The following MCTP1 variants were observed in gnomAD, a reference collection of about 807,000 sequenced individuals.
MCTP1 encodes multiple C2 and transmembrane domain-containing protein 1.
MCTP1 carries 69 observed loss-of-function variants against 120.6 expected under a neutral mutation model. The observed-to-expected ratio is 0.57, with a 90% CI of 0.47 to 0.70. The LOEUF is 0.70. Among genes scored for constraint, MCTP1 ranks in the 30% least tolerant of loss-of-function variants. The probability of loss-of-function intolerance (pLI) is 0.00; values close to 1 mark genes in which losing one functional copy is unlikely to be tolerated. For missense variants in MCTP1, 1,203 were observed against 1,248.8 expected, an observed-to-expected ratio of 0.96 and a Z score of 0.55; for synonymous variants, 529 against 493.1, an observed-to-expected ratio of 1.07 and a Z score of -0.96.
rs1237463127 is a variant in MCTP1 at position 95,274,692 on chromosome 5, T to C, written c.720+9164A>G. Among the ~76,000 whole-genome samples the C allele has an allele frequency of 3.3e-5, 5 of 151,946 alleles. No individual in the cohort carries two copies. In the East Asian group the frequency reaches 7.7e-4, roughly 24 times the overall value. On this transcript the variant is annotated intron_variant, in intron 1 of 22. Transcript: ENST00000515393. Reference sequence around the variant, plus strand: ...AGGCTGGAGTGCAGGGGTGTGATCTTGGCTCACTGCAAACTCTGCCTCCCG... The same window carrying C: ...AGGCTGGAGTGCAGGGGTGTGATCTCGGCTCACTGCAAACTCTGCCTCCCG...
intron 1 of MCTP1, among the ~76,000 whole-genome samples, chr5:95,174,120 A>G (rs565288888): frequency 2.0e-5 from 3 of 152,128 alleles, no homozygotes; most frequent in African/African-American, 7.2e-5. Context: ...GCACAGAATT[A>G]CAATGCCTTG....
chr5:95,093,250 G>A (rs992471723), intron 1 of MCTP1, among the ~76,000 whole-genome samples: 1 of 152,220 alleles, frequency 6.6e-6, no homozygotes, highest in African/African-American at 2.4e-5. Flanking sequence ...ACTGAGAGTG[G>A]AACCAAGAGC....
chr5:95,131,183 G>A (rs1759018833), intron 1 of MCTP1, among the ~76,000 whole-genome samples: 1 of 152,062 alleles, frequency 6.6e-6, no homozygotes, highest in South Asian at 2.1e-4. Context: ...TGTTGTCAGA[G>A]TTGCCTTTGA....
At chr5:95,067,111 T>G (rs1013303323) in intron 1 of MCTP1, among the ~76,000 whole-genome samples, 4 of 141,002 alleles carry the variant, frequency 2.8e-5, no homozygotes, top group Non-Finnish European at 4.5e-5. Context: ...GAGAGGAGAA[T>G]AGTGGTTACC....
At chr5:94,931,852 G>T in intron 6 of MCTP1, 101 bp downstream of exon 6, 1 of 898,338 alleles carries the variant, frequency 1.1e-6, no homozygotes, top group Non-Finnish European at 1.8e-6. Context: ...TGAATAGTAT[G>T]AAATCTGGTA....
intron 3 of MCTP1, among the ~76,000 whole-genome samples, chr5:94,948,743 C>T (rs1487218865): frequency 6.6e-6 from 1 of 152,088 alleles, no homozygotes; most frequent in Non-Finnish European, 1.5e-5. Context: ...GGTCCTGAAT[C>T]AGAGTCTTCT....
At chr5:94,816,957 C>T (rs1037500661) in intron 17 of MCTP1, among the ~76,000 whole-genome samples, 5 of 152,094 alleles carry the variant, frequency 3.3e-5, no homozygotes, top group Non-Finnish European at 7.4e-5. Flanking sequence ...ATTTTAAGAT[C>T]CATTTTAGAC....
chr5:95,012,760 C>A (rs10037097), intron 2 of MCTP1, among the ~76,000 whole-genome samples: 1 of 151,960 alleles, frequency 6.6e-6, no homozygotes, highest in African/African-American at 2.4e-5. Context: ...CTCCACCGAC[C>A]AGCTGTTATC....
intron 19 of MCTP1, among the ~76,000 whole-genome samples, chr5:94,729,032 T>A (rs1237438337): frequency 6.6e-6 from 1 of 151,976 alleles, no homozygotes; most frequent in Non-Finnish European, 1.5e-5. Flanking sequence ...CAGCAGATAG[T>A]AAAAAGCGCA....
chr5:94,739,205 G>A (rs908871161), intron 19 of MCTP1: 1 of 152,154 alleles, frequency 6.6e-6, no homozygotes, highest in Non-Finnish European at 1.5e-5. Context: ...GGTCACTATC[G>A]ATCTTCAAAA....
intron 1 of MCTP1, among the ~76,000 whole-genome samples, chr5:95,214,767 A>G (rs1180242715): frequency 3.3e-5 from 5 of 151,550 alleles, no homozygotes; most frequent in Admixed American, 2.0e-4. Context: ...TGGCAAGGAC[A>G]AAAAACCAAA....
At chr5:95,058,658 T>C (rs1454526259) in intron 1 of MCTP1, among the ~76,000 whole-genome samples, 1 of 152,076 alleles carries the variant, frequency 6.6e-6, no homozygotes, top group Non-Finnish European at 1.5e-5. Flanking sequence ...AAAAAATAAA[T>C]GGAAGAGGTA....
At chr5:94,897,538 T>C (rs1804360370) in intron 10 of MCTP1, among the ~76,000 whole-genome samples, 1 of 152,124 alleles carries the variant, frequency 6.6e-6, no homozygotes, top group African/African-American at 2.4e-5. Flanking sequence ...TCTTTTTTCA[T>C]ATTTTTAGTA....
intron 1 of MCTP1, among the ~76,000 whole-genome samples, chr5:95,199,650 G>C (rs1268170168): frequency 6.6e-6 from 1 of 152,062 alleles, no homozygotes; most frequent in Non-Finnish European, 1.5e-5. Context: ...TTGAGGTCAG[G>C]GGGTCAAGAC....
chr5:95,223,520 G>A (rs766044180), intron 1 of MCTP1, among the ~76,000 whole-genome samples: 2 of 151,856 alleles, frequency 1.3e-5, no homozygotes, highest in Admixed American at 6.6e-5. Flanking sequence ...CTCTTTAAGG[G>A]GGAGTGGACC....
In MCTP1 at chr5:94,821,782, G is replaced by A. The variant is rs191911386; in HGVS notation, c.2437-22650C>T. 5.3e-5 allele frequency among the ~76,000 whole-genome samples: 8 copies of A among 152,008 alleles called. 1 individual carries two copies. The highest frequency in any genetic ancestry group is 1.9e-4 in the African/African-American group (8 of 41,448). On this transcript the variant is annotated intron_variant, in intron 17 of 22. Coordinates refer to ENST00000515393, the MANE Select transcript of MCTP1 (RefSeq NM_024717.7). ...AGGAAACCAGGTACATAAAAAAATT[G>A]GCCCATCCTATATGTGGGCCTCACA...
chr5:94,795,509 C>T (rs1779813443), intron 18 of MCTP1, among the ~76,000 whole-genome samples: 1 of 152,174 alleles, frequency 6.6e-6, no homozygotes, highest in Non-Finnish European at 1.5e-5. Context: ...TGGTACAAGC[C>T]TAATAGGCAA....
In MCTP1 at chr5:95,095,372, T is replaced by G. The variant is rs76660501; in HGVS notation, c.721-77888A>C. Among the ~76,000 whole-genome samples, 602 of 152,306 alleles carry G rather than the reference T, an allele frequency of 4.0e-3. 15 individuals are homozygous for G. The East Asian group carries it at 0.065, about 16-fold the overall frequency. On this transcript the variant is annotated intron_variant, in intron 1 of 22. Coordinates refer to ENST00000515393, the MANE Select transcript of MCTP1 (RefSeq NM_024717.7). The stretch of plus-strand genomic sequence containing the variant: ...ATTTCCTCCAAGGAGTTTAAGGTGC[T>G]TAGTAAACAGAGGGCATTTTTTATG...
At chr5:94,933,079 G>A (rs1305105244) in intron 5 of MCTP1, among the ~76,000 whole-genome samples, 3 of 151,782 alleles carry the variant, frequency 2.0e-5, no homozygotes, top group Non-Finnish European at 4.4e-5. Context: ...CCTCTTTTAT[G>A]TTTTCAAAGA....
Sources: allele counts gnomAD v4.1 joint callset (sites outside exome capture counted in the v4.1 genomes callset), GRCh38; gene constraint gnomAD v4.1.1; transcripts MANE v1.5; gene names NCBI Gene and HGNC (gene_info 2026-07-23, HGNC 2026-07-21).